SLC36A4: variants seen among roughly 807,000 people sequenced by gnomAD.
SLC36A4 encodes neutral amino acid uniporter 4.
Under a neutral mutation model 50.5 loss-of-function variants are expected in SLC36A4, and 49 were observed. That is an observed-to-expected ratio of 0.97 (90% CI 0.77 to 1.23). SLC36A4 has a LOEUF of 1.23. Among genes scored for constraint, SLC36A4 ranks in the 50% most tolerant of loss-of-function variants. SLC36A4 has a pLI of 0.00. For synonymous variants in SLC36A4, 207 were observed against 206.5 expected (o/e 1.00, Z -0.02); for missense variants, 611 against 608.4 (o/e 1.00, Z -0.05).
intron 6 of SLC36A4, among the ~76,000 whole-genome samples, chr11:93,169,237 A>T (rs947495398): frequency 2.0e-5 from 3 of 152,242 alleles, no homozygotes; most frequent in Non-Finnish European, 4.4e-5. Flanking sequence ...TCTCTAAAGT[A>T]GATGGTAATA....
chr11:93,168,312 C>T (rs151118547), intron 6 of SLC36A4, 141 bp from the exon 7 acceptor site: 2 of 456,774 alleles, frequency 4.4e-6, no homozygotes, highest in Admixed American at 4.2e-5. Context: ...TTTACATTTA[C>T]ATTTTTTCAA....
intron 6 of SLC36A4, chr11:93,171,023 T>C (rs1861109319): frequency 6.6e-6 from 1 of 152,080 alleles, no homozygotes; most frequent in Non-Finnish European, 1.5e-5. Flanking sequence ...TACTATTGTA[T>C]AATGCTATCA....
chr11:93,162,635 C>A, intron 9 of SLC36A4, 71 bp downstream of exon 9: 1 of 1,261,450 alleles, frequency 7.9e-7, no homozygotes, highest in Non-Finnish European at 1.1e-6. Context: ...TCCAAGAACA[C>A]GACTTTATCA....
chr11:93,161,783 A>T (rs1357367695), intron 9 of SLC36A4, among the ~76,000 whole-genome samples: 1 of 152,248 alleles, frequency 6.6e-6, no homozygotes. Context: ...TGTGAAAACT[A>T]AGGAGTTACC....
chr11:93,177,835 G>A (rs1483772968), intron 6 of SLC36A4, among the ~76,000 whole-genome samples: 2 of 152,216 alleles, frequency 1.3e-5, no homozygotes, highest in African/African-American at 4.8e-5. Flanking sequence ...CCCACATGAG[G>A]AGGCAGTCTG....
intron 9 of SLC36A4, chr11:93,160,016 G>A: frequency 3.0e-6 from 3 of 985,408 alleles, no homozygotes; most frequent in Non-Finnish European, 3.6e-6. Flanking sequence ...GAGGCCTCTT[G>A]TGTGAAGCAC....
At chr11:93,190,752 A>T (rs1037228776) in intron 1 of SLC36A4, among the ~76,000 whole-genome samples, 1 of 152,074 alleles carries the variant, frequency 6.6e-6, no homozygotes, top group African/African-American at 2.4e-5. Context: ...CTTTTTTTTG[A>T]GACAGAGTCT....
At chr11:93,153,767 G>C (rs1206453488) in intron 10 of SLC36A4, among the ~76,000 whole-genome samples, 2 of 151,948 alleles carry the variant, frequency 1.3e-5, no homozygotes. Flanking sequence ...ACAAAAACAG[G>C]AATGAAAAAC....
In SLC36A4 at chr11:93,193,351, T is replaced by C. The variant is rs867647217; in HGVS notation, c.55+4427A>G. 4.9e-4 allele frequency among the ~76,000 whole-genome samples: 74 copies of C among 152,258 alleles called. 1 individual carries two copies. The highest frequency in any genetic ancestry group is 1.7e-3 in the African/African-American group (69 of 41,554). ...AGGAATTAAAGATTATAGAACCCAA[T>C]TTACATTACACATAATGTCTATTAT... On this transcript the variant is annotated intron_variant, in intron 1 of 10. Transcript: ENST00000326402.
chr11:93,169,708 A>C (rs1861044966), intron 6 of SLC36A4, among the ~76,000 whole-genome samples: 2 of 152,118 alleles, frequency 1.3e-5, no homozygotes, highest in African/African-American at 4.8e-5. Context: ...ACAGCTCATG[A>C]CTATGTTGTA....
intron 9 of SLC36A4, among the ~76,000 whole-genome samples, chr11:93,159,596 T>G (rs1860527740): frequency 6.6e-6 from 1 of 152,178 alleles, no homozygotes; most frequent in Non-Finnish European, 1.5e-5. Flanking sequence ...GAGCCTCATC[T>G]CATTCTAGGC....
In SLC36A4 at chr11:93,147,894, A is replaced by G. The variant is rs1859904746; in HGVS notation, c.*643T>C. 1 of 152,120 alleles carries G rather than the reference A, an allele frequency of 6.6e-6. No individual in the cohort carries two copies. The highest frequency in any genetic ancestry group is 1.5e-5 in the Non-Finnish European group (1 of 68,006). The allele number at this position is 152,120 out of a possible 1,614,324, so 9.4% of individuals were successfully genotyped here. A position where few individuals can be genotyped will look rare whatever the true frequency, so the allele number is the denominator to read the frequency against. ...AAGTCCCTTTTCAAATTTCATTGAA[A>G]CACTAAGTCATGATCTTGAACAGTG... On this transcript the variant is annotated 3_prime_UTR_variant, in exon 11 of 11. Transcript: ENST00000326402.
At chr11:93,174,624 C>T (rs1035243296) in intron 6 of SLC36A4, among the ~76,000 whole-genome samples, 3 of 139,360 alleles carry the variant, frequency 2.2e-5, no homozygotes, top group African/African-American at 8.0e-5. Flanking sequence ...TACGTCCCAT[C>T]AATACCTAAT....
Position 93,153,192 on chromosome 11 carries a change from T to C in SLC36A4, c.1207+916A>G, listed in dbSNP as rs555881623. On this transcript the variant is annotated intron_variant, in intron 10 of 10. Coordinates refer to ENST00000326402, the MANE Select transcript of SLC36A4 (RefSeq NM_152313.4). ...CTCTACTATTCTAAATAGTGCAAGA[T>C]GTTTATTAATATCTTACACAAGGAA... Among the ~76,000 whole-genome samples, 3 of 152,212 alleles carry C rather than the reference T, an allele frequency of 2.0e-5. No individual in the cohort carries two copies. The East Asian group carries it at 5.8e-4, about 29-fold the overall frequency.
At chr11:93,154,584 G>A (rs929323833) in intron 9 of SLC36A4, 8 of 161,304 alleles carry the variant, frequency 5.0e-5, no homozygotes, top group African/African-American at 1.4e-4. Flanking sequence ...GCCCCTCAAA[G>A]AGCTAAAGTT....
rs993030793 is a variant in SLC36A4, at chr11:93,148,584, G to T, written c.1468C>A (p.Pro490Thr). 6.2e-7 allele frequency: 1 copy of T among 1,612,262 alleles called. No homozygotes were observed. The highest frequency in any genetic ancestry group is 1.3e-5 in the African/African-American group (1 of 74,916). The stretch of plus-strand genomic sequence containing the variant: ...CATGTTGAATTCAAATTTAGAAAAG[G>T]ACTCTGTGGAGTGCCAGCTACAACT... ...PKVVAGTPQS[P>T]FLNLNSTCLT... The change falls in exon 11 of 11, where the codon CCT (proline) becomes ACT (threonine). Residue 490 changes from proline to threonine, a missense_variant. Pro to Thr is a conservative substitution (Grantham distance 38). Coordinates refer to ENST00000326402, the MANE Select transcript of SLC36A4 (RefSeq NM_152313.4).
intron 6 of SLC36A4, among the ~76,000 whole-genome samples, chr11:93,177,207 A>G (rs1390731439): frequency 8.5e-5 from 13 of 152,054 alleles, no homozygotes; most frequent in Non-Finnish European, 1.5e-5. Context: ...TTGATCTTCA[A>G]TCACTGATAC....
intron 6 of SLC36A4, among the ~76,000 whole-genome samples, chr11:93,176,672 T>C (rs1427217848): frequency 1.3e-5 from 2 of 152,124 alleles, no homozygotes; most frequent in Non-Finnish European, 2.9e-5. Context: ...AGCATTTGCT[T>C]GTCTGTAAAG....
chr11:93,167,400 C>G (rs990509225), intron 7 of SLC36A4: 1 of 151,998 alleles, frequency 6.6e-6, no homozygotes, highest in African/African-American at 2.4e-5. Context: ...TTTGAAGAAT[C>G]CCTGAATCCC....
Sources: gnomAD v4.1 joint callset for allele counts (sites outside exome capture counted in the v4.1 genomes callset) on GRCh38, gnomAD v4.1.1 for gene constraint, MANE v1.5 for transcripts, NCBI Gene and HGNC (gene_info 2026-07-23, HGNC 2026-07-21) for gene names.